Variants in NLGN1 observed in about 807,000 individuals in gnomAD.
NLGN1 encodes the protein neuroligin-1.
In NLGN1, 12 loss-of-function variants were observed where a neutral mutation model predicts 65.5. That is an observed-to-expected ratio of 0.18 (90% CI 0.12 to 0.30). NLGN1 has a LOEUF of 0.30. Among genes scored for constraint, NLGN1 ranks in the 10% least tolerant of loss-of-function variants. The pLI, the probability that NLGN1 is intolerant of heterozygous loss-of-function variation, is 1.00. For synonymous variants in NLGN1, 350 were observed against 359.5 expected (o/e 0.97, Z 0.30); for missense variants, 750 against 1,007.1 (o/e 0.74, Z 3.46).
chr3:173,801,365 T>C (rs189142537), intron 3 of NLGN1, among the ~76,000 whole-genome samples: 230 of 152,092 alleles, frequency 1.5e-3, no homozygotes, highest in African/African-American at 5.1e-3. Flanking sequence ...TAATCCCAGG[T>C]TTCAGAGTAA....
chr3:173,406,669 G>A (rs565562021), intron 1 of NLGN1, among the ~76,000 whole-genome samples: 2 of 151,700 alleles, frequency 1.3e-5, no homozygotes, highest in East Asian at 1.9e-4. Context: ...CATCTTGACC[G>A]TTCTTACCGT....
Position 173,490,640 on chromosome 3 carries a change from A to G in NLGN1, c.-321+55562A>G, listed in dbSNP as rs534865210. On this transcript the variant is annotated intron_variant, in intron 2 of 6. Coordinates refer to ENST00000457714, the Ensembl canonical transcript of NLGN1. ...TTCCAGTTCTGTGAAGAAAGTCATT[A>G]GTAGCTTGATGGAGATGGCATTGAA... 1.1e-4 allele frequency among the ~76,000 whole-genome samples: 17 copies of G among 152,166 alleles called. No individual in the cohort carries two copies. The South Asian group carries it at 1.9e-3, about 17-fold the overall frequency.
intron 3 of NLGN1, among the ~76,000 whole-genome samples, chr3:173,738,563 G>T (rs752211541): frequency 2.2e-4 from 34 of 151,964 alleles, no homozygotes; most frequent in Non-Finnish European, 4.6e-4. Flanking sequence ...AATGTGAAAA[G>T]GTATTTCTAG....
chr3:173,534,874 A>C (rs560673508), intron 2 of NLGN1, among the ~76,000 whole-genome samples: 1 of 152,342 alleles, frequency 6.6e-6, no homozygotes, highest in Non-Finnish European at 1.5e-5. Flanking sequence ...AACATTCAAC[A>C]TAAAGCCTTG....
At chr3:174,014,859 C>T (rs1726234465) in intron 4 of NLGN1, among the ~76,000 whole-genome samples, 2 of 152,190 alleles carry the variant, frequency 1.3e-5, no homozygotes, top group South Asian at 4.1e-4. Flanking sequence ...GGCTCAGTTC[C>T]TGACCCCAAG....
intron 4 of NLGN1, among the ~76,000 whole-genome samples, chr3:173,951,007 C>T (rs1351877790): frequency 2.6e-5 from 4 of 151,966 alleles, no homozygotes; most frequent in Non-Finnish European, 4.4e-5. Flanking sequence ...GGTGGGACTA[C>T]AGGAGTGCGC....
chr3:173,930,740 T>C (rs1012147107), intron 4 of NLGN1, among the ~76,000 whole-genome samples: 2 of 152,172 alleles, frequency 1.3e-5, no homozygotes, highest in African/African-American at 4.8e-5. Flanking sequence ...ACAGTGTCTT[T>C]TAAACACCCT....
At chr3:173,522,487 A>G (rs1446900283) in intron 2 of NLGN1, among the ~76,000 whole-genome samples, 1 of 152,100 alleles carries the variant, frequency 6.6e-6, no homozygotes, top group East Asian at 1.9e-4. Flanking sequence ...CTGGAGTGCA[A>G]TGGCATGATC....
intron 4 of NLGN1, among the ~76,000 whole-genome samples, chr3:174,261,078 G>A (rs559258115): frequency 3.6e-4 from 55 of 152,274 alleles, no homozygotes; most frequent in East Asian, 1.9e-3. Flanking sequence ...TGCTGTTTTC[G>A]TTACTGTAGC....
chr3:173,415,943 A>AGCGTGC (rs1553844364), intron 1 of NLGN1, among the ~76,000 whole-genome samples: 2 of 142,828 alleles, frequency 1.4e-5, no homozygotes, highest in Admixed American at 7.0e-5. Flanking sequence ...AGAGAGAGAG[A>AGCGTGC]GCTTGGTATA....
intron 4 of NLGN1, among the ~76,000 whole-genome samples, chr3:173,969,695 C>T (rs1351090386): frequency 6.6e-6 from 1 of 151,996 alleles, no homozygotes; most frequent in Non-Finnish European, 1.5e-5. Context: ...CTGTTGAAAG[C>T]AATCCATATT....
chr3:174,099,534 T>C (rs191736035), intron 4 of NLGN1, among the ~76,000 whole-genome samples: 26 of 152,296 alleles, frequency 1.7e-4, no homozygotes, highest in African/African-American at 6.3e-4. Context: ...TAGTTCTTAT[T>C]GAAGGCTTTC....
chr3:173,755,141 AT>A (rs1407748743), intron 3 of NLGN1, among the ~76,000 whole-genome samples: 1 of 152,088 alleles, frequency 6.6e-6, no homozygotes, highest in Non-Finnish European at 1.5e-5. Context: ...CTGTTTGGCA[AT>A]TTTGTTCAGT....
chr3:174,074,084 A>G (rs745989805), intron 4 of NLGN1, among the ~76,000 whole-genome samples: 2 of 152,174 alleles, frequency 1.3e-5, no homozygotes, highest in African/African-American at 2.4e-5. Flanking sequence ...GCTTGGGAAT[A>G]GAATTCTTTT....
chr3:174,023,741 T>C (rs1168621574), intron 4 of NLGN1, among the ~76,000 whole-genome samples: 1 of 152,150 alleles, frequency 6.6e-6, no homozygotes, highest in Non-Finnish European at 1.5e-5. Flanking sequence ...ACCACTCCAA[T>C]GGAACAATCC....
intron 1 of NLGN1, among the ~76,000 whole-genome samples, chr3:173,405,114 T>G (rs1718389418): frequency 6.6e-6 from 1 of 152,120 alleles, no homozygotes; most frequent in African/African-American, 2.4e-5. Context: ...GACTCATTCA[T>G]AGCCATGTTT....
intron 2 of NLGN1, among the ~76,000 whole-genome samples, chr3:173,568,639 T>A (rs1281102070): frequency 1.3e-5 from 2 of 151,972 alleles, no homozygotes; most frequent in Non-Finnish European, 2.9e-5. Context: ...ATTAGGAAAA[T>A]CAAGTTAGCT....
chr3:174,194,762 A>G (rs1014686516), intron 4 of NLGN1, among the ~76,000 whole-genome samples: 3 of 149,376 alleles, frequency 2.0e-5, no homozygotes, highest in Non-Finnish European at 4.4e-5. Context: ...GAATGTTGGG[A>G]TAAAGAAAAT....
intron 3 of NLGN1, among the ~76,000 whole-genome samples, chr3:173,736,132 G>A (rs1227508362): frequency 3.3e-5 from 5 of 151,972 alleles, no homozygotes; most frequent in African/African-American, 1.2e-4. Context: ...AGCATTGTGA[G>A]AATAGAGTAA....
Sources: allele counts gnomAD v4.1 joint callset (sites outside exome capture counted in the v4.1 genomes callset), GRCh38; gene constraint gnomAD v4.1.1; transcripts MANE v1.5; gene names NCBI Gene and HGNC (gene_info 2026-07-23, HGNC 2026-07-21).